The following MACROH2A2 variants were observed in gnomAD, a reference collection of about 807,000 sequenced individuals.
MACROH2A2 encodes core histone macro-H2A.2.
A neutral mutation model predicts 37.6 loss-of-function variants in MACROH2A2; 6 were observed. The ratio of observed to expected loss-of-function variants is 0.16; its 90% CI spans 0.09 to 0.32. The LOEUF (loss-of-function observed/expected upper bound fraction) is 0.32. Ranked by LOEUF, MACROH2A2 falls within the 10% of genes least tolerant of loss-of-function variation. MACROH2A2 has a pLI of 1.00. For missense variants in MACROH2A2, 290 were observed against 485.9 expected, an observed-to-expected ratio of 0.60 and a Z score of 3.79; for synonymous variants, 192 against 202.7, an observed-to-expected ratio of 0.95 and a Z score of 0.45.
At chr10:70,092,512 A>G (rs1168468837) in intron 4 of MACROH2A2, among the ~76,000 whole-genome samples, 4 of 152,234 alleles carry the variant, frequency 2.6e-5, no homozygotes, top group African/African-American at 9.6e-5. Flanking sequence ...AGAGCAGCCC[A>G]GGCAGACACT....
intron 5 of MACROH2A2, among the ~76,000 whole-genome samples, chr10:70,095,409 C>A (rs1323159212): frequency 6.6e-6 from 1 of 151,500 alleles, no homozygotes; most frequent in Non-Finnish European, 1.5e-5. Flanking sequence ...TGTTCCTGTT[C>A]CAGGGAAGAA....
At chr10:70,080,899 A>C (rs1247973640) in intron 2 of MACROH2A2, among the ~76,000 whole-genome samples, 1 of 149,136 alleles carries the variant, frequency 6.7e-6, no homozygotes, top group East Asian at 2.0e-4. Context: ...AAAAAAAAAA[A>C]AAAAAAAAAA....
chr10:70,094,064 CA>C (rs1287987587), intron 5 of MACROH2A2, among the ~76,000 whole-genome samples: 7 of 152,098 alleles, frequency 4.6e-5, no homozygotes, highest in African/African-American at 1.7e-4. Context: ...ATTGGTCAGA[CA>C]AGGGTGAGCA....
At position 70,093,673 on chromosome 10, in the gene MACROH2A2, T is replaced by C; in HGVS notation, c.478-62T>C. 9.3e-6 allele frequency: 8 copies of C among 857,512 alleles called. No homozygotes were observed. In the South Asian group the frequency reaches 1.1e-4, roughly 12 times the overall value. 53.1% of individuals were successfully genotyped at this position (857,512 alleles called of 1,614,324 possible). A position where few individuals can be genotyped will look rare whatever the true frequency, so the allele number is the denominator to read the frequency against. On this transcript the variant is annotated intron_variant, in intron 4 of 8. Transcript: ENST00000373255. ...GGTGGCAGCCGTGAGAAGAGCTTAA[T>C]AAAGGCACCTCAGGCTTTTTCTGGA... is the stretch of plus-strand genomic sequence containing the variant.
At chr10:70,086,215 G>A (rs1228171598) in intron 2 of MACROH2A2, among the ~76,000 whole-genome samples, 1 of 150,256 alleles carries the variant, frequency 6.7e-6, no homozygotes, top group Non-Finnish European at 1.5e-5. Flanking sequence ...TCTCAAGGAT[G>A]TCCAGACTAA....
chr10:70,093,930 C>A (rs1435987501), intron 5 of MACROH2A2, 85 bp downstream of exon 5: 8 of 686,862 alleles, frequency 1.2e-5, no homozygotes, highest in Admixed American at 2.5e-5. Flanking sequence ...TGCCTCCTTT[C>A]CTCCCCTGAT....
chr10:70,103,813 G>T (rs1166527135), intron 7 of MACROH2A2, among the ~76,000 whole-genome samples: 1 of 151,666 alleles, frequency 6.6e-6, no homozygotes, highest in East Asian at 1.9e-4. Context: ...AAACAGGAAA[G>T]AAATACCTTC....
intron 8 of MACROH2A2, among the ~76,000 whole-genome samples, chr10:70,109,516 G>A (rs2072357797): frequency 6.6e-6 from 1 of 152,210 alleles, no homozygotes; most frequent in Admixed American, 6.5e-5. Context: ...GTTATTTTTT[G>A]AGAGCCTTCC....
chr10:70,093,557 C>T (rs148926673), intron 4 of MACROH2A2, among the ~76,000 whole-genome samples, 178 bp from the exon 5 acceptor site: 1 of 152,324 alleles, frequency 6.6e-6, no homozygotes, highest in Non-Finnish European at 1.5e-5. Flanking sequence ...TTTGCGGTAC[C>T]CTTTTCTTTC....
intron 2 of MACROH2A2, among the ~76,000 whole-genome samples, chr10:70,079,882 C>T (rs2072165016): frequency 6.6e-6 from 1 of 152,142 alleles, no homozygotes; most frequent in Non-Finnish European, 1.5e-5. Flanking sequence ...TGATATGAAT[C>T]TTGTAGGTAT....
chr10:70,060,832 G>C (rs1346718491), intron 1 of MACROH2A2, among the ~76,000 whole-genome samples: 1 of 152,018 alleles, frequency 6.6e-6, no homozygotes, highest in Non-Finnish European at 1.5e-5. Flanking sequence ...AGAAAATCTT[G>C]GTCAAGCTGG....
At chr10:70,100,365 C>G in intron 7 of MACROH2A2, 68 bp downstream of exon 7, 4 of 840,242 alleles carry the variant, frequency 4.8e-6, no homozygotes, top group South Asian at 4.5e-5. Flanking sequence ...TCCAGCCTCA[C>G]GTGCCTCATG....
rs571631884 is a variant in MACROH2A2, at chr10:70,095,362, C to T, written c.589-292C>T. Among the ~76,000 whole-genome samples the T allele has an allele frequency of 1.8e-3, 270 of 146,308 alleles. 1 individual carries two copies. Among genetic ancestry groups the T allele is most frequent in the Admixed American group, 3.8e-3 (56 of 14,574 alleles). ...CAGCCTGGGAGACAGAGTGAGACTC[C>T]GTCTCAAAAAAAAAAAAAAAAAGAG... On this transcript the variant is annotated intron_variant, in intron 5 of 8. Transcript: ENST00000373255.
At chr10:70,106,451 A>G (rs2072338078) in intron 7 of MACROH2A2, among the ~76,000 whole-genome samples, 1 of 152,196 alleles carries the variant, frequency 6.6e-6, no homozygotes, top group Non-Finnish European at 1.5e-5. Context: ...CACTACCCTG[A>G]AAGTCATTTT....
At chr10:70,068,700 C>T (rs898968703) in intron 1 of MACROH2A2, among the ~76,000 whole-genome samples, 1 of 152,176 alleles carries the variant, frequency 6.6e-6, no homozygotes, top group Non-Finnish European at 1.5e-5. Context: ...CCATCGGGAG[C>T]TGGTAGTGGT....
intron 1 of MACROH2A2, among the ~76,000 whole-genome samples, chr10:70,060,763 G>T (rs537111303): frequency 2.2e-4 from 34 of 152,268 alleles, no homozygotes; most frequent in Admixed American, 1.8e-3. Context: ...TGTTAGATTT[G>T]CAGAAAACAA....
intron 7 of MACROH2A2, among the ~76,000 whole-genome samples, chr10:70,100,703 GCCTCC>G (rs970750388): frequency 2.0e-5 from 3 of 147,894 alleles, no homozygotes; most frequent in Non-Finnish European, 4.4e-5. Context: ...TGCAACCTCT[GCCTCC>G]CAAGTTCAAA....
intron 8 of MACROH2A2, among the ~76,000 whole-genome samples, chr10:70,110,626 G>A (rs942256547): frequency 1.3e-5 from 2 of 152,122 alleles, no homozygotes; most frequent in African/African-American, 4.8e-5. Flanking sequence ...GCTCACGCCT[G>A]TAAATCCAAA....
intron 1 of MACROH2A2, among the ~76,000 whole-genome samples, chr10:70,056,536 ATAAT>A (rs1440262543): frequency 5.9e-5 from 9 of 152,390 alleles, no homozygotes; most frequent in South Asian, 2.1e-4. Flanking sequence ...ATGATAATAC[ATAAT>A]TAATACATAA....
Sources: gnomAD v4.1 joint callset for allele counts (sites outside exome capture counted in the v4.1 genomes callset) on GRCh38, gnomAD v4.1.1 for gene constraint, MANE v1.5 for transcripts, NCBI Gene and HGNC (gene_info 2026-07-23, HGNC 2026-07-21) for gene names.